The following OR1J2 variants were observed in gnomAD, a reference collection of about 807,000 sequenced individuals.
OR1J2 encodes olfactory receptor family 1 subfamily J member 2.
For missense variants in OR1J2, 304 were observed against 246.1 expected, an observed-to-expected ratio of 1.24 and a Z score of -1.57; for synonymous variants, 142 against 99.7, an observed-to-expected ratio of 1.42 and a Z score of -2.52.
the OR1J2 span, chr9:122,568,117 A>G: frequency 3.7e-6 from 6 of 1,614,070 alleles, no homozygotes; most frequent in East Asian, 1.3e-4. Context: ...TAGCGGTCAA[A>G]GGCCATGACT....
the OR1J2 span, among the ~76,000 whole-genome samples, chr9:122,455,305 G>A: frequency 1.3e-5 from 2 of 152,158 alleles, no homozygotes; most frequent in Non-Finnish European, 2.9e-5. Flanking sequence ...TGTCCACACT[G>A]TCCATACCAT....
chr9:122,539,493 T>C, the OR1J2 span, among the ~76,000 whole-genome samples: 1 of 152,214 alleles, frequency 6.6e-6, no homozygotes, highest in Non-Finnish European at 1.5e-5. Context: ...AGGTGCCACA[T>C]TTTCTTGATC....
chr9:122,567,996 G>T, the OR1J2 span: 52 of 1,614,024 alleles, frequency 3.2e-5, no homozygotes, highest in African/African-American at 5.6e-4. Flanking sequence ...CAGCAGAAGT[G>T]TGTGCAGGAG....
At chr9:122,491,479 G>A in the OR1J2 span, among the ~76,000 whole-genome samples, 585 of 152,068 alleles carry the variant, frequency 3.8e-3, 2 homozygotes, top group African/African-American at 0.014. Context: ...AAAGGGAAGG[G>A]AATAGTTGCT....
upstream of OR1J2, among the ~76,000 whole-genome samples, chr9:122,507,251 C>T (rs1828536324): frequency 6.6e-6 from 1 of 152,102 alleles, no homozygotes; most frequent in Non-Finnish European, 1.5e-5. Flanking sequence ...AATCAGAGGG[C>T]ACCTGAAGAT....
At chr9:122,454,508 A>G in the OR1J2 span, among the ~76,000 whole-genome samples, 1 of 150,876 alleles carries the variant, frequency 6.6e-6, no homozygotes, top group African/African-American at 2.5e-5. Context: ...ACAGAGTGAG[A>G]CTCGATCTAA....
chr9:122,561,637 T>G, the OR1J2 span, among the ~76,000 whole-genome samples: 1 of 152,114 alleles, frequency 6.6e-6, no homozygotes, highest in Non-Finnish European at 1.5e-5. Flanking sequence ...TCAGGCCTTA[T>G]TCATCTGGTT....
chr9:122,448,458 A>G, the OR1J2 span, among the ~76,000 whole-genome samples: 3 of 152,240 alleles, frequency 2.0e-5, no homozygotes, highest in African/African-American at 4.8e-5. Flanking sequence ...TCTTATCTCA[A>G]CTGCAAGAGG....
chr9:122,491,931 C>G, the OR1J2 span, among the ~76,000 whole-genome samples: 18 of 151,770 alleles, frequency 1.2e-4, no homozygotes, highest in Non-Finnish European at 1.2e-4. Context: ...TTTATGAGGC[C>G]AAATATCCTA....
the OR1J2 span, among the ~76,000 whole-genome samples, chr9:122,552,604 C>G: frequency 6.6e-6 from 1 of 152,042 alleles, no homozygotes; most frequent in African/African-American, 2.4e-5. Context: ...CTACTGCCCT[C>G]AGCTCACATA....
chr9:122,553,014 C>T, the OR1J2 span: 1 of 649,284 alleles, frequency 1.5e-6, no homozygotes, highest in South Asian at 2.0e-5. Context: ...CTTAACTGTT[C>T]TCTAAATGTC....
chr9:122,474,592 A>C, the OR1J2 span, among the ~76,000 whole-genome samples: 1 of 152,218 alleles, frequency 6.6e-6, no homozygotes, highest in Admixed American at 6.5e-5. Context: ...ACACCCAGAC[A>C]AAATAGGGCT....
At chr9:122,509,252 T>A (rs1828588215), upstream of OR1J2, among the ~76,000 whole-genome samples, 1 of 152,186 alleles carries the variant, frequency 6.6e-6, no homozygotes, top group Non-Finnish European at 1.5e-5. Flanking sequence ...TTACCACAGC[T>A]GACTAGGAGG....
chr9:122,539,961 T>G, the OR1J2 span, among the ~76,000 whole-genome samples: 2 of 152,146 alleles, frequency 1.3e-5, no homozygotes, highest in African/African-American at 2.4e-5. Context: ...TTGATGGGGT[T>G]GTTTGTTTTT....
the OR1J2 span, among the ~76,000 whole-genome samples, chr9:122,448,548 C>T: frequency 6.6e-6 from 1 of 152,148 alleles, no homozygotes. Flanking sequence ...TTTCCCATCC[C>T]AAGAGGCCAT....
the OR1J2 span, among the ~76,000 whole-genome samples, chr9:122,469,789 G>C: frequency 6.6e-6 from 1 of 152,160 alleles, no homozygotes; most frequent in African/African-American, 2.4e-5. Flanking sequence ...AACTTTTTGG[G>C]AACTGGAGCA....
the OR1J2 span, among the ~76,000 whole-genome samples, chr9:122,503,633 A>G: frequency 6.6e-6 from 1 of 152,244 alleles, no homozygotes; most frequent in South Asian, 2.1e-4. Context: ...AGATATAAAA[A>G]CCCATGTACT....
chr9:122,567,018 G>GT, the OR1J2 span: 3 of 152,082 alleles, frequency 2.0e-5, no homozygotes, highest in African/African-American at 7.2e-5. Context: ...AGATAAAAAA[G>GT]TAAAAGCTTA....
At chr9:122,538,800 A>G in the OR1J2 span, among the ~76,000 whole-genome samples, 1 of 152,218 alleles carries the variant, frequency 6.6e-6, no homozygotes, top group African/African-American at 2.4e-5. Context: ...CAAATACCAC[A>G]TATTCTCACT....
Sources: gnomAD v4.1 joint callset for allele counts (sites outside exome capture counted in the v4.1 genomes callset) on GRCh38, gnomAD v4.1.1 for gene constraint, MANE v1.5 for transcripts, NCBI Gene and HGNC (gene_info 2026-07-23, HGNC 2026-07-21) for gene names.